The following MEAK7 variants were observed in gnomAD, a reference collection of about 807,000 sequenced individuals.
The protein encoded by MEAK7 is MTOR associated protein MEAK7.
A neutral mutation model predicts 40.5 loss-of-function variants in MEAK7; 68 were observed. The ratio of observed to expected loss-of-function variants is 1.68; its 90% CI spans 1.38 to 2.06. The LOEUF (loss-of-function observed/expected upper bound fraction) is 2.06, where lower values mean the gene tolerates loss of function less well. MEAK7 is among the 30% of genes most tolerant of loss of function. The probability of loss-of-function intolerance (pLI) is 0.00; values close to 1 mark genes in which losing one functional copy is unlikely to be tolerated. For synonymous variants in MEAK7, 338 were observed against 231.9 expected (o/e 1.46, Z -4.16); for missense variants, 918 against 580.5 (o/e 1.58, Z -5.98).
In MEAK7 at chr16:84,479,788, A is replaced by G; in HGVS notation, c.*125T>C. On this transcript the variant is annotated 3_prime_UTR_variant, in exon 8 of 8. Transcript: ENST00000343629. ...GCGTCTTCTTGGCACATGTGGGACT[A>G]CCAGGCTGTGACCCGTGCGGTACGC... The G allele has an allele frequency of 1.8e-6, 1 of 550,902 alleles. No homozygotes were observed. Among genetic ancestry groups the G allele is most frequent in the Non-Finnish European group, 3.0e-6 (1 of 338,090 alleles). The allele number at this position is 550,902 out of a possible 1,614,324, so 34.1% of individuals were successfully genotyped here. A position where few individuals can be genotyped will look rare whatever the true frequency, so the allele number is the denominator to read the frequency against.
At chr16:84,482,415 G>A (rs1425721055) in intron 6 of MEAK7, among the ~76,000 whole-genome samples, 177 bp downstream of exon 6, 2 of 152,208 alleles carry the variant, frequency 1.3e-5, no homozygotes, top group Non-Finnish European at 2.9e-5. Context: ...GGGAAACCCT[G>A]GCCCAGCTGT....
At chr16:84,489,870 C>A (rs1913420077) in intron 3 of MEAK7, among the ~76,000 whole-genome samples, 1 of 152,138 alleles carries the variant, frequency 6.6e-6, no homozygotes, top group South Asian at 2.1e-4. Flanking sequence ...AGAGGGCAAG[C>A]AACTGCTTTC....
chr16:84,487,440 CTT>C (rs954524941), intron 4 of MEAK7: 1 of 175,058 alleles, frequency 5.7e-6, no homozygotes, highest in African/African-American at 2.4e-5. Context: ...GACTTCAACA[CTT>C]TTCTCTCCTC....
intron 5 of MEAK7, among the ~76,000 whole-genome samples, chr16:84,484,082 C>T (rs932528339): frequency 6.6e-6 from 1 of 152,214 alleles, no homozygotes; most frequent in African/African-American, 2.4e-5. Flanking sequence ...GGTAAGCGGC[C>T]CTTTGCTTTG....
intron 1 of MEAK7, among the ~76,000 whole-genome samples, chr16:84,502,136 C>G (rs1403737008): frequency 6.7e-6 from 1 of 149,082 alleles, no homozygotes; most frequent in African/African-American, 2.5e-5. Flanking sequence ...AAGAGTGAAA[C>G]TCGGTCTCAA....
chr16:84,497,875 G>A, intron 2 of MEAK7, 59 bp downstream of exon 2: 1 of 1,604,090 alleles, frequency 6.2e-7, no homozygotes, highest in Admixed American at 1.7e-5. Context: ...TGGCCTGAAA[G>A]CCACAGTTTG....
At position 84,479,976 on chromosome 16, in the gene MEAK7, C is replaced by A. The variant is rs775810722; in HGVS notation, c.1308G>T (p.Leu436=). The change falls in exon 8 of 8, where the codon CTG becomes CTT. Residue 436 remains leucine, a synonymous_variant. Transcript: ENST00000343629. ...GGCGCGAATGCCCACTGATCTCCAG[C>A]AGGGCCTGGGCCTCAGGGTCCGCAT... is the stretch of plus-strand genomic sequence containing the variant. ...ILDADPEAQA[L]LEISGHSRHS... is the part of the protein sequence containing the mutation. 6.2e-7 allele frequency: 1 copy of A among 1,609,670 alleles called. No homozygotes were observed. The highest frequency in any genetic ancestry group is 1.7e-5 in the Admixed American group (1 of 59,826).
chr16:84,479,997 C>T lies in MEAK7; in HGVS notation c.1287G>A (p.Ala429=), dbSNP rs146443710. The change falls in exon 8 of 8, where the codon GCG becomes GCA. Residue 429 remains alanine (A), a synonymous_variant. Transcript: ENST00000343629. ...LAKGNKSILD[A]DPEAQALLEI... ...CCAGCAGGGCCTGGGCCTCAGGGTCCGCATCCAGGATGCTCTTGTTGCCCT... is the reference window on the plus strand; with the variant it reads ...CCAGCAGGGCCTGGGCCTCAGGGTCTGCATCCAGGATGCTCTTGTTGCCCT... The T allele has an allele frequency of 3.2e-5, 52 of 1,607,566 alleles. No individual in the cohort carries two copies. Among genetic ancestry groups the T allele is most frequent in the African/African-American group, 2.0e-4 (15 of 74,710 alleles).
intron 1 of MEAK7, among the ~76,000 whole-genome samples, chr16:84,498,539 T>C (rs1914246180): frequency 6.6e-6 from 1 of 151,558 alleles, no homozygotes; most frequent in Admixed American, 6.6e-5. Context: ...CCTCCCAAAG[T>C]GTTGGGATTA....
chr16:84,491,103 C>A (rs1330939848), intron 3 of MEAK7, among the ~76,000 whole-genome samples: 1 of 152,148 alleles, frequency 6.6e-6, no homozygotes, highest in African/African-American at 2.4e-5. Context: ...TTTAGCTACA[C>A]TGACAGAAAA....
At chr16:84,482,760 C>A (rs756080105) in intron 5 of MEAK7, 50 bp from the exon 6 acceptor site, 1 of 1,606,788 alleles carries the variant, frequency 6.2e-7, no homozygotes, top group South Asian at 1.1e-5. Context: ...CTGAGCCGGT[C>A]CCACAGGGCC....
chr16:84,492,873 C>A (rs538032101), intron 3 of MEAK7, among the ~76,000 whole-genome samples: 2 of 152,196 alleles, frequency 1.3e-5, no homozygotes, highest in African/African-American at 4.8e-5. Flanking sequence ...TCAGCCACTA[C>A]GCCCAGCCTA....
At chr16:84,480,811 C>A in intron 6 of MEAK7, 103 bp from the exon 7 acceptor site, 1 of 1,329,086 alleles carries the variant, frequency 7.5e-7, no homozygotes, top group Non-Finnish European at 1.0e-6. Context: ...CAGCCTGAGA[C>A]AGGGGCGGGT....
chr16:84,501,824 C>G (rs1352441894), intron 1 of MEAK7, among the ~76,000 whole-genome samples: 2 of 152,178 alleles, frequency 1.3e-5, no homozygotes, highest in African/African-American at 4.8e-5. Flanking sequence ...GACAGCCCGT[C>G]TCCTTTGAGA....
chr16:84,497,857 G>A lies in MEAK7; in HGVS notation c.153+77C>T, dbSNP rs1914180443. ...TCCATCCCATTACAAAAACACGAAA[G>A]CAGATTCTGGCCTGAAAGCCACAGT... On this transcript the variant is annotated intron_variant, in intron 2 of 7. Coordinates refer to ENST00000343629, the MANE Select transcript of MEAK7 (RefSeq NM_020947.4). 5.0e-6 allele frequency: 8 copies of A among 1,588,620 alleles called. No individual in the cohort carries two copies. In the South Asian group the frequency reaches 9.0e-5, roughly 18 times the overall value.
In MEAK7 at chr16:84,497,952, G is replaced by C; in HGVS notation, c.135C>G (p.Phe45Leu). 3 of 1,614,244 alleles carry C rather than the reference G, an allele frequency of 1.9e-6. No homozygotes were observed. The highest frequency in any genetic ancestry group is 1.1e-5 in the South Asian group (1 of 91,086). ...KNSPNVSSKSFSLKALQNHVG... is the reference protein window; with the variant it reads ...KNSPNVSSKSLSLKALQNHVG... ...CTCTTGCCTGTAGTGCCTTCAGAGA[G>C]AAGGATTTGGATGAGACATTCGGGC... Residue 45 changes from phenylalanine to leucine, a missense_variant, in exon 2 of 8, where the codon TTC becomes TTG. Transcript: ENST00000343629.
At position 84,480,670 on chromosome 16, in the gene MEAK7, CACCCAAA is replaced by C; in HGVS notation, c.1109_1115del (p.Leu370ArgfsTer102). The C allele has an allele frequency of 6.2e-7, 1 of 1,613,900 alleles. No individual in the cohort carries two copies. Among genetic ancestry groups the C allele is most frequent in the Non-Finnish European group, 8.5e-7 (1 of 1,179,870 alleles). On this transcript the variant is annotated frameshift_variant, in exon 7 of 8. Transcript: ENST00000343629. LOFTEE classifies it high-confidence loss of function. ...TGTGTCCTTTCCCAAAATCAACATC[CACCCAAA>C]GCCCAAAGTAATTGTGCTGCCCCCC...
intron 7 of MEAK7, among the ~76,000 whole-genome samples, 190 bp from the exon 8 acceptor site, chr16:84,480,216 G>A (rs971199303): frequency 6.6e-6 from 1 of 152,124 alleles, no homozygotes; most frequent in Non-Finnish European, 1.5e-5. Flanking sequence ...CAGCAACTCA[G>A]GTGCAGAACC....
chr16:84,502,842 C>T (rs991494117), intron 1 of MEAK7: 1 of 152,198 alleles, frequency 6.6e-6, no homozygotes, highest in African/African-American at 2.4e-5. Flanking sequence ...TGCACTCCAG[C>T]CTGGGTGACA....
Sources: allele counts gnomAD v4.1 joint callset (sites outside exome capture counted in the v4.1 genomes callset), GRCh38; gene constraint gnomAD v4.1.1; transcripts MANE v1.5; gene names NCBI Gene and HGNC (gene_info 2026-07-23, HGNC 2026-07-21).